The following MYO9B variants were observed in gnomAD, a reference collection of about 807,000 sequenced individuals.
The protein encoded by MYO9B is myosin IXB.
Under a neutral mutation model 229.5 loss-of-function variants are expected in MYO9B, and 71 were observed. The ratio of observed to expected loss-of-function variants is 0.31; its 90% CI spans 0.26 to 0.38. The LOEUF is 0.38. MYO9B is among the 10% of genes least tolerant of loss of function. MYO9B has a pLI of 1.00. For missense variants in MYO9B, 2,255 were observed against 2,920.5 expected (o/e 0.77, Z 5.25); for synonymous variants, 1,185 against 1,235.8 (o/e 0.96, Z 0.86).
intron 36 of MYO9B, among the ~76,000 whole-genome samples, chr19:17,210,079 G>A (rs945810700): frequency 6.6e-6 from 1 of 152,162 alleles, no homozygotes; most frequent in African/African-American, 2.4e-5. Flanking sequence ...AGGGGGACCA[G>A]CTTCCTGCTT....
intron 2 of MYO9B, among the ~76,000 whole-genome samples, chr19:17,126,079 C>T (rs10419952): frequency 3.3e-5 from 5 of 152,142 alleles, no homozygotes; most frequent in African/African-American, 7.2e-5. Flanking sequence ...GCATCATCCC[C>T]GACATGGCCC....
At chr19:17,199,700 CT>C (rs59510773) in intron 24 of MYO9B, among the ~76,000 whole-genome samples, 766 of 68,794 alleles carry the variant, frequency 0.011, 1 homozygote, top group African/African-American at 0.025. Flanking sequence ...CTTTTTTTTT[CT>C]TTTTTTTTTT....
intron 24 of MYO9B, among the ~76,000 whole-genome samples, chr19:17,199,346 C>T (rs1369367877): frequency 6.6e-6 from 1 of 152,120 alleles, no homozygotes; most frequent in Non-Finnish European, 1.5e-5. Context: ...ATGATCACAC[C>T]ACTGCACTCC....
chr19:17,185,050 C>G, intron 17 of MYO9B, 63 bp downstream of exon 17: 1 of 1,608,288 alleles, frequency 6.2e-7, no homozygotes, highest in Non-Finnish European at 8.5e-7. Flanking sequence ...TGTAGCTTCA[C>G]CCGACACCGA....
At chr19:17,125,620 G>A (rs1323063385) in intron 2 of MYO9B, among the ~76,000 whole-genome samples, 2 of 152,108 alleles carry the variant, frequency 1.3e-5, no homozygotes, top group Non-Finnish European at 2.9e-5. Flanking sequence ...CTAGCCCTGG[G>A]AGTCCTTGCT....
chr19:17,202,425 A>G, intron 28 of MYO9B, 122 bp downstream of exon 28: 1 of 968,606 alleles, frequency 1.0e-6, no homozygotes, highest in Non-Finnish European at 1.5e-6. Context: ...TGCCCTGCCC[A>G]TACCACAGCC....
At position 17,102,378 on chromosome 19, in the gene MYO9B, G is replaced by A. The variant is rs372886115; in HGVS notation, c.661G>A (p.Val221Met). Residue 221 changes from valine to methionine, a missense_variant, in exon 2 of 40, where the codon GTG becomes ATG. Transcript: ENST00000682292. ...GCCACACGTCTTCGCGCTGGCCGACGTGGCCTACTACACCATGCTCAGGAA... is the reference window on the plus strand; with the variant it reads ...GCCACACGTCTTCGCGCTGGCCGACATGGCCTACTACACCATGCTCAGGAA... ...LEPHVFALADVAYYTMLRKRV... is the reference protein window; with the variant it reads ...LEPHVFALADMAYYTMLRKRV... 3.3e-5 allele frequency: 53 copies of A among 1,613,990 alleles called. No homozygotes were observed. The African/African-American group carries it at 4.9e-4, about 15-fold the overall frequency.
chr19:17,167,371 G>A (rs145537345), intron 10 of MYO9B, among the ~76,000 whole-genome samples: 3 of 151,666 alleles, frequency 2.0e-5, no homozygotes, highest in East Asian at 1.9e-4. Flanking sequence ...GGCCTCAAGC[G>A]ATCCTACCAC....
At position 17,210,752 on chromosome 19, in the gene MYO9B, AGCTGGAGGTGCT is replaced by A. The variant is rs1198138089; in HGVS notation, c.5843_5854del (p.Val1948_Glu1951del). 1 of 1,565,194 alleles carries A rather than the reference AGCTGGAGGTGCT, an allele frequency of 6.4e-7. No homozygotes were observed. The highest frequency in any genetic ancestry group is 1.9e-5 in the Admixed American group (1 of 51,956). On this transcript the variant is annotated inframe_deletion, in exon 38 of 40. Coordinates refer to ENST00000682292, the MANE Select transcript of MYO9B (RefSeq NM_004145.4). The stretch of plus-strand genomic sequence containing the variant: ...AAGACCCGGGACATCCAGGAGGAGG[AGCTGGAGGTGCT>A]GCTGGAGGAGGAGGCAGCCGGCGGC...
intron 13 of MYO9B, 99 bp from the exon 14 acceptor site, chr19:17,175,564 G>A (rs1034627038): frequency 6.4e-5 from 62 of 969,582 alleles, no homozygotes; most frequent in Non-Finnish European, 8.8e-5. Context: ...GGGTGACAGA[G>A]CAAGACTCCA....
chr19:17,087,209 G>A (rs961936853), intron 1 of MYO9B, among the ~76,000 whole-genome samples: 8 of 152,204 alleles, frequency 5.3e-5, no homozygotes, highest in African/African-American at 1.2e-4. Context: ...AGGGGTGGGC[G>A]TATAGCACAG....
In MYO9B at chr19:17,211,727, G is replaced by C; in HGVS notation, c.6011G>C (p.Ser2004Thr). 1 of 1,612,802 alleles carries C rather than the reference G, an allele frequency of 6.2e-7. No individual in the cohort carries two copies. ...AACCTGGACTCGGAGACGTCGGCCA[G>C]CACCGAGAGCCTGCTGGAGGAGCGG... Reference protein sequence around the residue: ...EENLDSETSASTESLLEERAG... With the variant: ...EENLDSETSATTESLLEERAG... The change falls in exon 39 of 40, where the codon AGC becomes ACC. Residue 2004 changes from serine to threonine, a missense_variant. Physicochemically the swap from Ser to Thr is moderately conservative, Grantham distance 58. Transcript: ENST00000682292.
intron 2 of MYO9B, among the ~76,000 whole-genome samples, chr19:17,145,120 T>C (rs1418486916): frequency 2.0e-5 from 3 of 151,270 alleles, no homozygotes; most frequent in Non-Finnish European, 4.4e-5. Context: ...TCTACTAAAA[T>C]ACAAAAATTA....
intron 2 of MYO9B, among the ~76,000 whole-genome samples, chr19:17,109,967 G>T (rs374301280): frequency 1.4e-4 from 21 of 152,250 alleles, no homozygotes; most frequent in African/African-American, 5.1e-4. Context: ...AGGCCACACC[G>T]CAGAGAGCCA....
chr19:17,106,058 A>G (rs2057790089), intron 2 of MYO9B, among the ~76,000 whole-genome samples: 1 of 144,998 alleles, frequency 6.9e-6, no homozygotes, highest in South Asian at 2.2e-4. Flanking sequence ...AATGGAGTGC[A>G]GTGGCACAAT....
intron 1 of MYO9B, among the ~76,000 whole-genome samples, chr19:17,085,442 T>C (rs1055369090): frequency 6.6e-6 from 1 of 150,970 alleles, no homozygotes; most frequent in Admixed American, 6.6e-5. Flanking sequence ...TCAGCAGATG[T>C]GGAGAATGGG....
Position 17,145,444 on chromosome 19 carries a change from T to C in MYO9B, c.888T>C (p.Phe296=). 1.2e-6 allele frequency: 2 copies of C among 1,613,920 alleles called. No individual in the cohort carries two copies. Among genetic ancestry groups the C allele is most frequent in the East Asian group, 2.2e-5 (1 of 44,876 alleles). Residue 296 remains phenylalanine, a synonymous_variant, in exon 3 of 40, where the codon TTT becomes TTC. Coordinates refer to ENST00000682292, the MANE Select transcript of MYO9B (RefSeq NM_004145.4). The part of the protein sequence containing the change: ...KTAHNNNSSR[F]GKFIQVSYLE... Reference sequence around the variant, plus strand: ...CCCACAACAACAACTCCAGCCGGTTTGGGAAATTCATCCAAGTCAGCTACC... The same window carrying C: ...CCCACAACAACAACTCCAGCCGGTTCGGGAAATTCATCCAAGTCAGCTACC...
At chr19:17,202,916 C>T in intron 29 of MYO9B, 33 bp downstream of exon 29, 1 of 1,589,634 alleles carries the variant, frequency 6.3e-7, no homozygotes. Flanking sequence ...AGAGTCCGAG[C>T]AGGCGAACAT....
chr19:17,181,394 A>C (rs967517165), intron 15 of MYO9B, among the ~76,000 whole-genome samples: 1 of 152,196 alleles, frequency 6.6e-6, no homozygotes, highest in African/African-American at 2.4e-5. Flanking sequence ...GTGAGTTTGC[A>C]GAGAAGCCAT....
Sources: allele counts gnomAD v4.1 joint callset (sites outside exome capture counted in the v4.1 genomes callset), GRCh38; gene constraint gnomAD v4.1.1; transcripts MANE v1.5; gene names NCBI Gene and HGNC (gene_info 2026-07-23, HGNC 2026-07-21).